The following PRKD3 variants were observed in gnomAD, a reference collection of about 807,000 sequenced individuals.
PRKD3 encodes the protein serine/threonine-protein kinase D3.
A neutral mutation model predicts 99.2 loss-of-function variants in PRKD3; 47 were observed. The ratio of observed to expected loss-of-function variants is 0.47; its 90% CI spans 0.38 to 0.60. The LOEUF (loss-of-function observed/expected upper bound fraction) is 0.60. PRKD3 is among the 20% of genes least tolerant of loss of function. PRKD3 has a pLI of 0.00. For synonymous variants in PRKD3, 392 were observed against 355.4 expected (o/e 1.10, Z -1.16); for missense variants, 1,019 against 1,088.4 (o/e 0.94, Z 0.90).
At chr2:37,283,900 CAAAAAAA>C (rs397872003) in intron 6 of PRKD3, among the ~76,000 whole-genome samples, 1 of 89,684 alleles carries the variant, frequency 1.1e-5, no homozygotes, top group Non-Finnish European at 2.4e-5. Flanking sequence ...GACTCTGTCT[CAAAAAAA>C]AAAAAAAAAA....
chr2:37,252,835 A>ATT lies in PRKD3; in HGVS notation c.*341_*342insAA, dbSNP rs1207794862. ...TTTTTCATTAAAAAAACAAACAAAC[A>ATT]TATATTTATATTTATATATATATAT... On this transcript the variant is annotated 3_prime_UTR_variant, in exon 19 of 19. Transcript: ENST00000234179. The ATT allele has an allele frequency of 9.8e-6, 1 of 102,002 alleles. No homozygotes were observed. 6.3% of individuals were successfully genotyped at this position (102,002 alleles called of 1,614,324 possible).
chr2:37,299,485 A>T (rs1426469871), intron 2 of PRKD3, among the ~76,000 whole-genome samples: 1 of 150,328 alleles, frequency 6.7e-6, no homozygotes, highest in Non-Finnish European at 1.5e-5. Flanking sequence ...CCTGGTCAAC[A>T]TGGTGAAACC....
chr2:37,318,098 T>C (rs1671739627), intron 1 of PRKD3, among the ~76,000 whole-genome samples: 1 of 151,288 alleles, frequency 6.6e-6, no homozygotes, highest in African/African-American at 2.4e-5. Flanking sequence ...AGAGAAAGAG[T>C]AAATCATCCA....
rs537911743 is a variant in PRKD3 at position 37,298,197 on chromosome 2, C to T, written c.289-4926G>A. Among the ~76,000 whole-genome samples the T allele has an allele frequency of 1.2e-4, 18 of 152,204 alleles. No individual in the cohort carries two copies. The East Asian group carries it at 2.3e-3, about 20-fold the overall frequency. On this transcript the variant is annotated intron_variant, in intron 2 of 18. Coordinates refer to ENST00000234179, the MANE Select transcript of PRKD3 (RefSeq NM_005813.6). ...AGTTCAAAAGGCAAAAAAGAGTAGA[C>T]GGCACACCCATGCCCTAGCTGCCTC... is the stretch of plus-strand genomic sequence containing the variant.
chr2:37,320,517 C>T (rs1011144410), intron 1 of PRKD3, among the ~76,000 whole-genome samples: 2 of 147,806 alleles, frequency 1.4e-5, no homozygotes, highest in South Asian at 4.3e-4. Flanking sequence ...TTGCAGCCTC[C>T]GCCTCCCGGG....
rs1572589787 is a variant in PRKD3 at position 37,252,586 on chromosome 2, A to C, written c.*591T>G. 1 of 152,226 alleles carries C rather than the reference A, an allele frequency of 6.6e-6. No homozygotes were observed. The highest frequency in any genetic ancestry group is 1.9e-4 in the East Asian group (1 of 5,182). The allele number at this position is 152,226 out of a possible 1,614,324, so 9.4% of individuals were successfully genotyped here. On this transcript the variant is annotated 3_prime_UTR_variant, in exon 19 of 19. Transcript: ENST00000234179. ...ACTATTTTGGAGTCTTGATTGACCT[A>C]AAAAAGAAAGGTAAAACAGCCCAGT...
In PRKD3 at chr2:37,262,661, T is replaced by TTGGC. The variant is rs558357007; in HGVS notation, c.1885-2281_1885-2278dup. On this transcript the variant is annotated intron_variant, in intron 14 of 18. Transcript: ENST00000234179. ...ATGTGACTGTTTTGCTAGGCCATAG[T>TTGGC]TGGCTGGCTCTATGCTTTTTCCCCC... 8.8e-5 allele frequency among the ~76,000 whole-genome samples: 13 copies of TTGGC among 147,848 alleles called. 1 individual carries two copies. The South Asian group carries it at 2.8e-3, about 32-fold the overall frequency.
intron 15 of PRKD3, 46 bp downstream of exon 15, chr2:37,260,177 A>G (rs1020958905): frequency 6.6e-7 from 1 of 1,515,000 alleles, no homozygotes; most frequent in African/African-American, 1.4e-5. Context: ...AAAAAAAAAA[A>G]TTAGTTTTTA....
chr2:37,292,168 C>A (rs556884366), intron 3 of PRKD3, among the ~76,000 whole-genome samples: 3 of 152,078 alleles, frequency 2.0e-5, no homozygotes, highest in South Asian at 4.2e-4. Flanking sequence ...TTTCTAAACC[C>A]CAATTTTCTT....
At chr2:37,286,617 G>A (rs1028853558) in intron 5 of PRKD3, among the ~76,000 whole-genome samples, 1 of 152,086 alleles carries the variant, frequency 6.6e-6, no homozygotes, top group African/African-American at 2.4e-5. Context: ...TATATTCACT[G>A]ATGATTATTT....
Position 37,271,186 on chromosome 2 carries a change from T to C in PRKD3, c.1704+1194A>G, listed in dbSNP as rs183822833. On this transcript the variant is annotated intron_variant, in intron 12 of 18. Coordinates refer to ENST00000234179, the MANE Select transcript of PRKD3 (RefSeq NM_005813.6). ...ATAGAGATTTTAATCTGAGAAATTA[T>C]ATATAACAATTTAACAATTTTCTGA... 1.4e-4 allele frequency among the ~76,000 whole-genome samples: 21 copies of C among 152,306 alleles called. No individual in the cohort carries two copies. The East Asian group carries it at 3.3e-3, about 24-fold the overall frequency.
At chr2:37,278,218 G>A (rs539600106) in intron 8 of PRKD3, 15 of 250,228 alleles carry the variant, frequency 6.0e-5, no homozygotes, top group South Asian at 1.5e-4. Flanking sequence ...GTTTTCTGGA[G>A]GGCCACAAAA....
chr2:37,288,265 C>T lies in PRKD3; in HGVS notation c.717+1091G>A, dbSNP rs1045626734. Among the ~76,000 whole-genome samples, 6 of 152,134 alleles carry T rather than the reference C, an allele frequency of 3.9e-5. No individual in the cohort carries two copies. The East Asian group carries it at 7.7e-4, about 20-fold the overall frequency. ...GTGTATAAGATGCACTAACTTTTTC[C>T]TACTAATCTTTTCCAGGCTCTTCTG... On this transcript the variant is annotated intron_variant, in intron 5 of 18. Coordinates refer to ENST00000234179, the MANE Select transcript of PRKD3 (RefSeq NM_005813.6).
intron 8 of PRKD3, 69 bp downstream of exon 8, chr2:37,279,677 G>T: frequency 8.0e-7 from 1 of 1,246,090 alleles, no homozygotes; most frequent in Non-Finnish European, 1.1e-6. Flanking sequence ...AAGAGACGTG[G>T]CTTTTTCTTA....
chr2:37,274,362 C>T, intron 11 of PRKD3, 59 bp downstream of exon 11: 1 of 1,577,486 alleles, frequency 6.3e-7, no homozygotes, highest in Non-Finnish European at 8.7e-7. Context: ...CACAACCATA[C>T]CCACAAAATG....
At position 37,290,936 on chromosome 2, in the gene PRKD3, G is replaced by A; in HGVS notation, c.491C>T (p.Ala164Val). The A allele has an allele frequency of 6.2e-7, 1 of 1,605,196 alleles. No homozygotes were observed. The change falls in exon 4 of 19, where the codon GCT (alanine) becomes GTT (valine). Residue 164 changes from alanine (A) to valine (V), a missense_variant. Transcript: ENST00000234179. ...PHTLYVHSYK[A>V]PTFCDYCGEM... ...ACCACAGTAATCACAGAAAGTAGGAGCTTTGTAAGAATGTACATAGAGAGT... is the reference window on the plus strand; with the variant it reads ...ACCACAGTAATCACAGAAAGTAGGAACTTTGTAAGAATGTACATAGAGAGT...
rs141588596 is a variant in PRKD3 at position 37,313,907 on chromosome 2, G to A, written c.288+2330C>T. Reference sequence around the variant, plus strand: ...TGGGTTTATCAGGACATAACTGTAAGCCAAGGAACATCTGTAAGCTTCAGA... The same window carrying A: ...TGGGTTTATCAGGACATAACTGTAAACCAAGGAACATCTGTAAGCTTCAGA... On this transcript the variant is annotated intron_variant, in intron 2 of 18. Transcript: ENST00000234179. Among the ~76,000 whole-genome samples the A allele has an allele frequency of 2.0e-5, 3 of 152,202 alleles. No homozygotes were observed. In the East Asian group the frequency reaches 5.8e-4, roughly 29 times the overall value.
At chr2:37,254,468 G>T (rs1409390577) in intron 17 of PRKD3, among the ~76,000 whole-genome samples, 179 bp from the exon 18 acceptor site, 1 of 152,182 alleles carries the variant, frequency 6.6e-6, no homozygotes, top group Non-Finnish European at 1.5e-5. Context: ...TGATTTAAGT[G>T]TATCTGTCAA....
At chr2:37,283,339 G>A (rs1202006050) in intron 6 of PRKD3, among the ~76,000 whole-genome samples, 3 of 129,016 alleles carry the variant, frequency 2.3e-5, no homozygotes, top group African/African-American at 6.8e-5. Context: ...TACTGAAGTT[G>A]AGACCCACTG....
Sources: allele counts gnomAD v4.1 joint callset (sites outside exome capture counted in the v4.1 genomes callset), GRCh38; gene constraint gnomAD v4.1.1; transcripts MANE v1.5; gene names NCBI Gene and HGNC (gene_info 2026-07-23, HGNC 2026-07-21).